The following ZNF69 variants were observed in gnomAD, a reference collection of about 807,000 sequenced individuals.
ZNF69 encodes the protein zinc finger protein 69, also known as ZNF3.
A neutral mutation model predicts 50.9 loss-of-function variants in ZNF69; 47 were observed. That is an observed-to-expected ratio of 0.92 (90% CI 0.73 to 1.18). The LOEUF (loss-of-function observed/expected upper bound fraction) is 1.18, where lower values mean the gene tolerates loss of function less well. Ranked by LOEUF, ZNF69 falls within the 50% of genes most tolerant of loss-of-function variation. The probability of loss-of-function intolerance (pLI) is 0.00; values close to 1 mark genes in which losing one functional copy is unlikely to be tolerated. For synonymous variants in ZNF69, 216 were observed against 223.1 expected (o/e 0.97, Z 0.29); for missense variants, 717 against 675.1 (o/e 1.06, Z -0.69).
the ZNF69 span, among the ~76,000 whole-genome samples, chr19:11,955,560 G>T: frequency 2.0e-5 from 3 of 151,946 alleles, no homozygotes; most frequent in Non-Finnish European, 4.4e-5. Context: ...TGCCCAAAGT[G>T]CTGGGATTAC....
chr19:11,965,372 G>A, the ZNF69 span, among the ~76,000 whole-genome samples: 253 of 152,344 alleles, frequency 1.7e-3, 4 homozygotes, highest in African/African-American at 5.7e-3. Context: ...GCCGCTGGAT[G>A]GGGCTGGGCT....
intron 1 of ZNF69, among the ~76,000 whole-genome samples, chr19:11,890,630 T>C (rs1977062552): frequency 6.6e-6 from 1 of 152,168 alleles, no homozygotes; most frequent in Non-Finnish European, 1.5e-5. Flanking sequence ...TGCCTAATTT[T>C]TGTGTTTTTA....
chr19:11,974,130 CTTT>C, the ZNF69 span, among the ~76,000 whole-genome samples: 2 of 82,206 alleles, frequency 2.4e-5, no homozygotes, highest in Admixed American at 1.3e-4. Context: ...TCTTTCTTTT[CTTT>C]CTTTCTTTCT....
At chr19:11,919,459 T>C in the ZNF69 span, among the ~76,000 whole-genome samples, 1 of 152,000 alleles carries the variant, frequency 6.6e-6, no homozygotes, top group South Asian at 2.1e-4. Flanking sequence ...TTTACTCTCC[T>C]CAAAATATAT....
intron 4 of ZNF69, among the ~76,000 whole-genome samples, chr19:11,912,666 T>C (rs777803087): frequency 6.6e-6 from 1 of 152,184 alleles, no homozygotes; most frequent in Non-Finnish European, 1.5e-5. Flanking sequence ...TTCGATGTCA[T>C]GAAAGGACTC....
At chr19:11,943,135 G>A in the ZNF69 span, among the ~76,000 whole-genome samples, 1 of 152,186 alleles carries the variant, frequency 6.6e-6, no homozygotes, top group Non-Finnish European at 1.5e-5. Flanking sequence ...TATTATAAGT[G>A]TTTTAAATCC....
intron 4 of ZNF69, among the ~76,000 whole-genome samples, chr19:11,912,614 G>A (rs952483879): frequency 1.3e-4 from 20 of 152,062 alleles, no homozygotes; most frequent in African/African-American, 4.8e-4. Flanking sequence ...GAAACCCTAT[G>A]AGTGTATGCC....
the ZNF69 span, chr19:11,948,596 A>C: frequency 6.2e-7 from 1 of 1,608,180 alleles, no homozygotes; most frequent in Non-Finnish European, 8.5e-7. Context: ...CACACTGGAG[A>C]GAAACCCTAT....
At chr19:11,957,940 AAAACTGTTCACCT>A in the ZNF69 span, among the ~76,000 whole-genome samples, 3 of 152,264 alleles carry the variant, frequency 2.0e-5, no homozygotes, top group African/African-American at 7.2e-5. Flanking sequence ...CACTAAAGAG[AAAACTGTTCACCT>A]AATGGTTTGT....
intron 1 of ZNF69, among the ~76,000 whole-genome samples, chr19:11,896,268 T>C (rs1432743609): frequency 1.3e-5 from 2 of 150,972 alleles, no homozygotes; most frequent in African/African-American, 4.9e-5. Context: ...CACAATTTGC[T>C]GTTTTCCATT....
the ZNF69 span, chr19:11,948,430 A>G: frequency 9.9e-5 from 160 of 1,614,078 alleles, no homozygotes; most frequent in Admixed American, 2.6e-3. Flanking sequence ...AGAAGTTGGC[A>G]TAGGTAACTC....
Position 11,887,825 on chromosome 19 carries a change from C to T in ZNF69, c.-99C>T. 1 of 1,096,448 alleles carries T rather than the reference C, an allele frequency of 9.1e-7. No individual in the cohort carries two copies. Among genetic ancestry groups the T allele is most frequent in the South Asian group, 1.3e-5 (1 of 75,614 alleles). 67.9% of individuals were successfully genotyped at this position (1,096,448 alleles called of 1,614,324 possible). ...GAGGGGGTCGCATTCCTTACCTCAC[C>T]TTTGTCCCTGCGCGGGCTGCGGCTG... On this transcript the variant is annotated 5_prime_UTR_variant, in exon 1 of 4. Transcript: ENST00000429654.
chr19:11,961,080 A>G, the ZNF69 span, among the ~76,000 whole-genome samples: 1 of 152,166 alleles, frequency 6.6e-6, no homozygotes, highest in East Asian at 1.9e-4. Context: ...GGAATTTAAA[A>G]CCAGCCAGCG....
In ZNF69 at chr19:11,904,828, A is replaced by G. The variant is rs373709153; in HGVS notation, c.431A>G (p.Asn144Ser). The G allele has an allele frequency of 3.2e-5, 51 of 1,614,104 alleles. No homozygotes were observed. The African/African-American group carries it at 4.1e-4, about 13-fold the overall frequency. The change falls in exon 4 of 4, where the codon AAC becomes AGC. Residue 144 changes from asparagine to serine, a missense_variant. Transcript: ENST00000429654. ...VGLGNSSFNM[N>S]IRGDIGHKAY... ...CTAGGTAACTCATCTTTTAATATGA[A>G]CATCAGAGGTGACATTGGACACAAG...
intron 1 of ZNF69, among the ~76,000 whole-genome samples, chr19:11,888,834 G>T (rs556289371): frequency 1.3e-5 from 2 of 152,106 alleles, no homozygotes; most frequent in African/African-American, 2.4e-5. Context: ...CTAGCCGGGC[G>T]TGATGGTGGA....
the ZNF69 span, among the ~76,000 whole-genome samples, chr19:11,951,309 A>ACCTC: frequency 0.074 from 10,940 of 147,354 alleles, 993 homozygotes; most frequent in African/African-American, 0.22. Context: ...GCTCACTGCC[A>ACCTC]CCTCCGCCTC....
At chr19:11,894,342 A>G (rs973909230) in intron 1 of ZNF69, among the ~76,000 whole-genome samples, 7 of 152,170 alleles carry the variant, frequency 4.6e-5, no homozygotes, top group South Asian at 2.1e-4. Flanking sequence ...GGATTTCACC[A>G]TGTTAGCCAG....
the ZNF69 span, among the ~76,000 whole-genome samples, chr19:11,937,306 T>C: frequency 1.3e-5 from 2 of 152,238 alleles, no homozygotes; most frequent in South Asian, 4.1e-4. Flanking sequence ...AATCCAGGTG[T>C]TTCAGTACCA....
At chr19:11,924,447 A>G in the ZNF69 span, among the ~76,000 whole-genome samples, 435 of 151,784 alleles carry the variant, frequency 2.9e-3, 4 homozygotes, top group East Asian at 0.014. Flanking sequence ...AAAAAAAAAA[A>G]AAAGAAAGAA....
Sources: gnomAD v4.1 joint callset for allele counts (sites outside exome capture counted in the v4.1 genomes callset) on GRCh38, gnomAD v4.1.1 for gene constraint, MANE v1.5 for transcripts, NCBI Gene and HGNC (gene_info 2026-07-23, HGNC 2026-07-21) for gene names.